The following CTNNA2 variants were observed in gnomAD, a reference collection of about 807,000 sequenced individuals.
The protein encoded by CTNNA2 is catenin alpha 2.
A neutral mutation model predicts 101.0 loss-of-function variants in CTNNA2; 42 were observed. That is an observed-to-expected ratio of 0.42 (90% CI 0.32 to 0.54). The LOEUF (loss-of-function observed/expected upper bound fraction) is 0.54. CTNNA2 is among the 20% of genes least tolerant of loss of function. The pLI is 0.14. For synonymous variants in CTNNA2, 450 were observed against 456.4 expected, an observed-to-expected ratio of 0.99 and a Z score of 0.18; for missense variants, 871 against 1,223.1, an observed-to-expected ratio of 0.71 and a Z score of 4.29.
In CTNNA2 at chr2:79,692,808, G is replaced by C. The variant is rs188743223; in HGVS notation, c.102+41150G>C. Among the ~76,000 whole-genome samples the C allele has an allele frequency of 6.3e-5, 9 of 142,448 alleles. No homozygotes were observed. The East Asian group carries it at 1.8e-3, about 29-fold the overall frequency. 93.5% of individuals were successfully genotyped at this position (142,448 alleles called of 152,430 possible). On this transcript the variant is annotated intron_variant, in intron 2 of 18. Coordinates refer to ENST00000402739, the MANE Select transcript of CTNNA2 (RefSeq NM_001282597.3). ...AAACACCACATGTTCTCACTCATAA[G>C]TAGGAGTTTAACAATGAGAACACAT...
At chr2:80,352,550 A>C (rs968792498) in intron 7 of CTNNA2, among the ~76,000 whole-genome samples, 2 of 152,168 alleles carry the variant, frequency 1.3e-5, no homozygotes, top group African/African-American at 4.8e-5. Flanking sequence ...TTGATAGGAC[A>C]CTTCATCAGC....
chr2:79,806,905 A>G (rs539871268), intron 3 of CTNNA2, among the ~76,000 whole-genome samples: 1 of 152,212 alleles, frequency 6.6e-6, no homozygotes, highest in South Asian at 2.1e-4. Context: ...TCTTATGGAT[A>G]TCTTATTCCT....
chr2:79,987,726 G>A (rs964279838), intron 7 of CTNNA2, among the ~76,000 whole-genome samples: 3 of 152,148 alleles, frequency 2.0e-5, no homozygotes, highest in Admixed American at 6.5e-5. Flanking sequence ...CTCTGACATT[G>A]TAAAAAATAA....
intron 1 of CTNNA2, among the ~76,000 whole-genome samples, chr2:79,608,512 C>T (rs982875201): frequency 2.6e-5 from 4 of 151,864 alleles, no homozygotes; most frequent in African/African-American, 9.7e-5. Flanking sequence ...AAATGCTAAA[C>T]CAAGTGTACC....
chr2:79,788,305 T>A (rs1675008412), intron 3 of CTNNA2, among the ~76,000 whole-genome samples: 1 of 152,008 alleles, frequency 6.6e-6, no homozygotes, highest in Non-Finnish European at 1.5e-5. Context: ...GGAATTGGAG[T>A]GCAGGCAGAT....
chr2:80,351,407 A>G (rs1646785538), intron 7 of CTNNA2, among the ~76,000 whole-genome samples: 1 of 152,134 alleles, frequency 6.6e-6, no homozygotes, highest in African/African-American at 2.4e-5. Context: ...GATGAGAATA[A>G]AACCTCTCAC....
intron 9 of CTNNA2, among the ~76,000 whole-genome samples, chr2:80,510,260 G>C (rs188559615): frequency 6.6e-6 from 1 of 152,142 alleles, no homozygotes; most frequent in Non-Finnish European, 1.5e-5. Context: ...TCATTATGTT[G>C]ATGATTACTA....
chr2:79,762,302 A>G (rs1407712201), intron 3 of CTNNA2, among the ~76,000 whole-genome samples: 2 of 152,178 alleles, frequency 1.3e-5, no homozygotes, highest in African/African-American at 4.8e-5. Flanking sequence ...CAGCAGGCCA[A>G]GAGTCGGGAA....
chr2:79,970,856 G>A (rs935521499), intron 7 of CTNNA2, among the ~76,000 whole-genome samples: 4 of 152,036 alleles, frequency 2.6e-5, no homozygotes, highest in East Asian at 1.9e-4. Flanking sequence ...GGAGTGTGGC[G>A]AAATCACTAC....
intron 3 of CTNNA2, among the ~76,000 whole-genome samples, chr2:79,797,081 A>T (rs79213962): frequency 0.029 from 4,343 of 152,266 alleles, 147 homozygotes; most frequent in East Asian, 0.16. Flanking sequence ...AAATGCAAAC[A>T]ATGTATCACA....
chr2:80,530,683 G>C (rs763485453), intron 9 of CTNNA2, among the ~76,000 whole-genome samples: 1 of 152,180 alleles, frequency 6.6e-6, no homozygotes, highest in African/African-American at 2.4e-5. Context: ...GAGAGTATCA[G>C]AGATGGTGCT....
At chr2:79,212,794 G>A (rs1327267543) in intron 2 of CTNNA2, among the ~76,000 whole-genome samples, 1 of 152,208 alleles carries the variant, frequency 6.6e-6, no homozygotes, top group African/African-American at 2.4e-5. Flanking sequence ...CTCGGGGCAT[G>A]TGAGTAAAGC....
rs149042604 is a variant in CTNNA2, at chr2:79,711,279, A to G, written c.103-33108A>G. ...TAAAGTGGTTTCAAGACTATTGTTG[A>G]CACTGCATTTTGCTCAATGGTGTTG... On this transcript the variant is annotated intron_variant, in intron 2 of 18. Transcript: ENST00000402739. 7.4e-3 allele frequency among the ~76,000 whole-genome samples: 1,125 copies of G among 152,276 alleles called. 8 individuals carry two copies. The highest frequency in any genetic ancestry group is 0.026 in the African/African-American group (1,074 of 41,560).
At chr2:79,625,191 A>T (rs906599710) in intron 1 of CTNNA2, among the ~76,000 whole-genome samples, 2 of 152,180 alleles carry the variant, frequency 1.3e-5, no homozygotes, top group Non-Finnish European at 2.9e-5. Context: ...TGGTGAAGGG[A>T]TATTATAAAA....
intron 7 of CTNNA2, among the ~76,000 whole-genome samples, chr2:79,955,193 C>T (rs1418149006): frequency 6.6e-6 from 1 of 152,176 alleles, no homozygotes; most frequent in Non-Finnish European, 1.5e-5. Context: ...ATGTTTAGAT[C>T]TCTTCATCTT....
Position 80,545,914 on chromosome 2 carries a change from A to T in CTNNA2, c.1391A>T (p.Asn464Ile). Residue 464 changes from asparagine to isoleucine, a missense_variant, in exon 11 of 19, where the codon AAT (asparagine) becomes ATT (isoleucine). This residue lies in a region of CTNNA2 where 647 missense variants were observed against 831.5 expected (regional missense o/e 0.78). Transcript: ENST00000402739. ...QIDSLCPQVI[N>I]AALTLAARPQ... is the part of the protein sequence containing the mutation. ...ATTGTTTCCAACAAATAGGTCATCA[A>T]TGCCGCTCTGACACTGGCTGCCCGG... 1 of 1,613,886 alleles carries T rather than the reference A, an allele frequency of 6.2e-7. No individual in the cohort carries two copies. The highest frequency in any genetic ancestry group is 8.5e-7 in the Non-Finnish European group (1 of 1,179,890).
intron 2 of CTNNA2, chr2:79,687,599 A>T (rs1421110784): frequency 1.4e-6 from 1 of 705,248 alleles, no homozygotes; most frequent in Non-Finnish European, 2.6e-6. Flanking sequence ...TCAAATGAAA[A>T]TCACATAAAT....
intron 7 of CTNNA2, among the ~76,000 whole-genome samples, chr2:80,231,189 G>C (rs2149074138): frequency 6.6e-6 from 1 of 152,172 alleles, no homozygotes; most frequent in South Asian, 2.1e-4. Context: ...GGCCAGGCTG[G>C]TCTCTTGATC....
intron 3 of CTNNA2, among the ~76,000 whole-genome samples, chr2:79,825,691 C>A (rs1185053989): frequency 2.6e-5 from 4 of 151,952 alleles, no homozygotes; most frequent in African/African-American, 9.7e-5. Context: ...AAGGTAAGAA[C>A]TGGAGATCTA....
Sources: allele counts gnomAD v4.1 joint callset (sites outside exome capture counted in the v4.1 genomes callset), GRCh38; gene constraint gnomAD v4.1.1; regional missense constraint gnomAD v4.1.1; transcripts MANE v1.5; gene names NCBI Gene and HGNC (gene_info 2026-07-23, HGNC 2026-07-21).